Variants in TYMS observed in about 807,000 individuals in gnomAD.
TYMS encodes the protein thymidylate synthetase, also known as thymidylate synthase.
TYMS carries 21 observed loss-of-function variants against 39.3 expected under a neutral mutation model. The ratio of observed to expected loss-of-function variants is 0.54; its 90% confidence interval spans 0.38 to 0.77. The LOEUF (loss-of-function observed/expected upper bound fraction) is 0.77, where lower values mean the gene tolerates loss of function less well. TYMS is among the 30% of genes least tolerant of loss of function. The probability of loss-of-function intolerance (pLI) is 0.00; values close to 1 mark genes in which losing one functional copy is unlikely to be tolerated. For synonymous variants in TYMS, 171 were observed against 162.2 expected (o/e 1.05, Z -0.41); for missense variants, 273 against 406.7 (o/e 0.67, Z 2.83).
chr18:662,584 T>C (rs1325606716), intron 3 of TYMS, among the ~76,000 whole-genome samples: 1 of 151,014 alleles, frequency 6.6e-6, no homozygotes, highest in Non-Finnish European at 1.5e-5. Flanking sequence ...TACATATGTA[T>C]ACATGTGCCA....
intron 6 of TYMS, 88 bp from the exon 7 acceptor site, chr18:672,772 C>T: frequency 7.1e-7 from 1 of 1,405,768 alleles, no homozygotes; most frequent in Non-Finnish European, 9.6e-7. Context: ...TTGTTGATCA[C>T]ATCCTGTGTA....
chr18:668,063 T>C (rs771167530), intron 3 of TYMS, among the ~76,000 whole-genome samples: 18 of 144,548 alleles, frequency 1.2e-4, no homozygotes, highest in South Asian at 4.6e-4. Context: ...CCAGTGATAA[T>C]ATCTTGGGTA....
At chr18:672,562 G>T (rs1175083058) in intron 6 of TYMS, 1 of 223,268 alleles carries the variant, frequency 4.5e-6, no homozygotes, top group African/African-American at 2.2e-5. Context: ...CAGATTGACT[G>T]TGTTCCTGTC....
chr18:673,063 A>C lies in TYMS; in HGVS notation c.*66A>C. 6 of 1,434,354 alleles carry C rather than the reference A, an allele frequency of 4.2e-6. No individual in the cohort carries two copies. The highest frequency in any genetic ancestry group is 5.6e-6 in the Non-Finnish European group (6 of 1,076,706). 88.9% of individuals were successfully genotyped at this position (1,434,354 alleles called of 1,614,324 possible). On this transcript the variant is annotated 3_prime_UTR_variant, in exon 7 of 7. Transcript: ENST00000323274. ...GGGGTTGGGCTGGATGCCGAGGTAA[A>C]AGTTCTTTTTGCTCTAAAAGAAAAA...
intron 3 of TYMS, 72 bp from the exon 4 acceptor site, chr18:669,000 G>A: frequency 1.6e-6 from 2 of 1,273,508 alleles, no homozygotes; most frequent in African/African-American, 1.5e-5. Flanking sequence ...TGTAATAGAT[G>A]ACCTCTAAGG....
rs2075141166 is a variant in TYMS, at chr18:673,084, A to C, written c.*87A>C. ...GTAAAAGTTCTTTTTGCTCTAAAAGAAAAAGGAACTAGGTCAAAAATCTGT... is the reference window on the plus strand; with the variant it reads ...GTAAAAGTTCTTTTTGCTCTAAAAGCAAAAGGAACTAGGTCAAAAATCTGT... On this transcript the variant is annotated 3_prime_UTR_variant, in exon 7 of 7. Transcript: ENST00000323274. 2.2e-6 allele frequency: 3 copies of C among 1,385,788 alleles called. No homozygotes were observed. The highest frequency in any genetic ancestry group is 2.9e-6 in the Non-Finnish European group (3 of 1,041,324). The allele number at this position is 1,385,788 out of a possible 1,614,324, so 85.8% of individuals were successfully genotyped here.
intron 3 of TYMS, among the ~76,000 whole-genome samples, chr18:668,198 C>G (rs1182436443): frequency 6.6e-6 from 1 of 151,828 alleles, no homozygotes; most frequent in African/African-American, 2.4e-5. Flanking sequence ...CCACTACAAT[C>G]AAGTTACAGA....
At chr18:666,843 T>C (rs1186702384) in intron 3 of TYMS, among the ~76,000 whole-genome samples, 1 of 152,210 alleles carries the variant, frequency 6.6e-6, no homozygotes, top group South Asian at 2.1e-4. Context: ...GGGGAGTTCA[T>C]GTTTAATGGG....
In TYMS at chr18:658,064, G is replaced by A; in HGVS notation, c.205+117G>A. 1 of 1,572,272 alleles carries A rather than the reference G, an allele frequency of 6.4e-7. No homozygotes were observed. On this transcript the variant is annotated intron_variant, in intron 1 of 6. Coordinates refer to ENST00000323274, the MANE Select transcript of TYMS (RefSeq NM_001071.4). This position sits in a 1 kb window ranked among gnomAD's most constrained non-coding sequence, Gnocchi z 4.5. The stretch of plus-strand genomic sequence containing the variant: ...CGTTTAGTCCTAACCTCAATCCTGC[G>A]AGGGAGGGGACGCATCGTCCTCCTC...
At chr18:665,023 C>T (rs201920973) in intron 3 of TYMS, among the ~76,000 whole-genome samples, 80,891 of 148,890 alleles carry the variant, frequency 0.54, 23,327 homozygotes, top group African/African-American at 0.77. Context: ...CAGGATGATG[C>T]TGGCTTCATA....
chr18:657,685 G>GGCCTGCCTCCGTCCCGCCGCGCCACTTC lies in TYMS; in HGVS notation c.-42_-15dup, dbSNP rs1360196663. Reference sequence around the variant, plus strand: ...CTGCCTCCGTCCCGCCGCGCCACTTGGCCTGCCTCCGTCCCGCCGCGCCAC... The same window carrying GGCCTGCCTCCGTCCCGCCGCGCCACTTC: ...CTGCCTCCGTCCCGCCGCGCCACTTGGCCTGCCTCCGTCCCGCCGCGCCACTTCGCCTGCCTCCGTCCCGCCGCGCCAC... On this transcript the variant is annotated 5_prime_UTR_variant, in exon 1 of 7. Transcript: ENST00000323274. The GGCCTGCCTCCGTCCCGCCGCGCCACTTC allele has an allele frequency of 3.9e-3, 1,850 of 470,646 alleles. 13 individuals are homozygous for GGCCTGCCTCCGTCCCGCCGCGCCACTTC. Among genetic ancestry groups the GGCCTGCCTCCGTCCCGCCGCGCCACTTC allele is most frequent in the Non-Finnish European group, 4.4e-3 (1,442 of 328,262 alleles). The allele number at this position is 470,646 out of a possible 1,614,324, so 29.2% of individuals were successfully genotyped here.
intron 4 of TYMS, 146 bp downstream of exon 4, chr18:669,319 C>A: frequency 5.6e-5 from 30 of 535,614 alleles, no homozygotes; most frequent in Middle Eastern, 3.0e-4. Flanking sequence ...GGGCAAGTCA[C>A]ATTTTGCTGC....
chr18:667,191 A>ATGGT (rs2074856661), intron 3 of TYMS, among the ~76,000 whole-genome samples: 1 of 40,012 alleles, frequency 2.5e-5, no homozygotes, highest in African/African-American at 2.3e-4. Context: ...ATGGTGATGG[A>ATGGT]GATGGTGATG....
chr18:662,806 T>C (rs1294905031), intron 3 of TYMS, among the ~76,000 whole-genome samples: 1 of 150,904 alleles, frequency 6.6e-6, no homozygotes, highest in Non-Finnish European at 1.5e-5. Context: ...AGAATGATGA[T>C]TTCCAATTTC....
chr18:662,530 ATACTTT>A (rs1234575669), intron 3 of TYMS, among the ~76,000 whole-genome samples: 1 of 120,176 alleles, frequency 8.3e-6, no homozygotes, highest in Non-Finnish European at 1.7e-5. Flanking sequence ...TTTAATTATT[ATACTTT>A]AAGTTTTAGG....
In TYMS at chr18:670,764, G is replaced by A. The variant is rs2144363412; in HGVS notation, c.629G>A (p.Cys210Tyr). Residue 210 changes from cysteine (C) to tyrosine (Y), a missense_variant, in exon 5 of 7, where the codon TGC (cysteine) becomes TAC (tyrosine). Around this residue, in one of 3 missense-constraint regions of TYMS, gnomAD observed 228 missense variants for 326.1 expected, o/e 0.70. Coordinates refer to ENST00000323274, the MANE Select transcript of TYMS (RefSeq NM_001071.4). ...TATGTGGTGAACAGTGAGCTGTCCT[G>A]CCAGCTGTACCAGAGATCGGGAGAC... The part of the protein sequence containing the change: ...QFYVVNSELS[C>Y]QLYQRSGDMG... 1 of 1,614,150 alleles carries A rather than the reference G, an allele frequency of 6.2e-7. No individual in the cohort carries two copies. Among genetic ancestry groups the A allele is most frequent in the Non-Finnish European group, 8.5e-7 (1 of 1,180,038 alleles).
At chr18:672,188 T>G (rs914055854) in intron 6 of TYMS, 1 of 152,242 alleles carries the variant, frequency 6.6e-6, no homozygotes, top group Non-Finnish European at 1.5e-5. Flanking sequence ...GAAATGGCAA[T>G]AAAAATGTAA....
rs142008740 is a variant in TYMS, at chr18:658,287, T to C, written c.205+340T>C. ...CCAGTGCTGGAGGGTTAGGGAGAGC[T>C]GCCTGGGCTTGACCGCGCGCCGGTC... On this transcript the variant is annotated intron_variant, in intron 1 of 6. Transcript: ENST00000323274. The surrounding 1 kb of genome is among the most constrained non-coding windows in gnomAD (Gnocchi z 4.5). 41 of 1,413,236 alleles carry C rather than the reference T, an allele frequency of 2.9e-5. No homozygotes were observed. In the East Asian group the frequency reaches 1.1e-3, roughly 37 times the overall value. 87.5% of individuals were successfully genotyped at this position (1,413,236 alleles called of 1,614,324 possible). A position where few individuals can be genotyped will look rare whatever the true frequency, so the allele number is the denominator to read the frequency against.
intron 5 of TYMS, 96 bp from the exon 6 acceptor site, chr18:671,284 A>G: frequency 2.3e-6 from 2 of 852,356 alleles, no homozygotes; most frequent in South Asian, 2.8e-5. Context: ...TTTTTTAAAA[A>G]AAGCCTTGCG....
Sources: allele counts gnomAD v4.1 joint callset (sites outside exome capture counted in the v4.1 genomes callset), GRCh38; gene constraint gnomAD v4.1.1; regional missense constraint gnomAD v4.1.1; non-coding constraint Gnocchi (gnomAD v3.1); transcripts MANE v1.5; gene names NCBI Gene and HGNC (gene_info 2026-07-23, HGNC 2026-07-21).